Variants in PRELID2 observed in about 807,000 individuals in gnomAD.
PRELID2 encodes PRELI domain containing 2, also known as PRELI domain-containing protein 2.
PRELID2 carries 25 observed loss-of-function variants against 28.4 expected under a neutral mutation model. The observed-to-expected ratio is 0.88, with a 90% CI of 0.64 to 1.23. The LOEUF is 1.23. Among genes scored for constraint, PRELID2 ranks in the 50% most tolerant of loss-of-function variants. The pLI, the probability that PRELID2 is intolerant of heterozygous loss-of-function variation, is 0.00. For synonymous variants in PRELID2, 76 were observed against 71.6 expected (o/e 1.06, Z -0.31); for missense variants, 201 against 214.4 (o/e 0.94, Z 0.39).
intron 1 of PRELID2, among the ~76,000 whole-genome samples, chr5:145,611,090 G>A (rs1362129051): frequency 2.0e-5 from 3 of 151,550 alleles, no homozygotes; most frequent in African/African-American, 7.3e-5. Context: ...TAAAATTCTG[G>A]CAGATAATGT....
rs1312283958 is a variant in PRELID2 at position 145,592,902 on chromosome 5, C to T, written n.71-119587G>A. Among the ~76,000 whole-genome samples the T allele has an allele frequency of 3.3e-5, 5 of 152,088 alleles. 1 individual carries two copies. The highest frequency in any genetic ancestry group is 1.3e-4 in the Admixed American group (2 of 15,260). On this transcript the variant is annotated intron_variant and non_coding_transcript_variant, in intron 1 of 2. Transcript: ENST00000510259. Reference sequence around the variant, plus strand: ...GCACCAATAGTTTGACTACACCTTCCTATTGGAATATATACCTCAAGAAAA... The same window carrying T: ...GCACCAATAGTTTGACTACACCTTCTTATTGGAATATATACCTCAAGAAAA...
the PRELID2 span, among the ~76,000 whole-genome samples, chr5:145,424,020 T>TG: frequency 2.9e-4 from 44 of 151,254 alleles, no homozygotes; most frequent in African/African-American, 1.0e-3. Flanking sequence ...GTGACCCTGC[T>TG]GGGGGGTGCC....
At chr5:145,828,832 C>CTTTTT (rs67543120) in intron 1 of PRELID2, among the ~76,000 whole-genome samples, 17 of 68,264 alleles carry the variant, frequency 2.5e-4, no homozygotes, top group Non-Finnish European at 2.9e-4. Flanking sequence ...TGAAAAAAAT[C>CTTTTT]TTTTTTTTTT....
the PRELID2 span, among the ~76,000 whole-genome samples, chr5:145,346,640 A>G: frequency 6.6e-6 from 1 of 152,140 alleles, no homozygotes; most frequent in Non-Finnish European, 1.5e-5. Context: ...CTTTTCCTAG[A>G]GCCCAGCTAT....
At chr5:145,479,004 C>A (rs1375131768) in intron 1 of PRELID2, among the ~76,000 whole-genome samples, 4 of 152,172 alleles carry the variant, frequency 2.6e-5, no homozygotes, top group Admixed American at 2.6e-4. Context: ...CCTTCAGAAT[C>A]AAGAAGATTG....
chr5:145,413,914 T>C, the PRELID2 span, among the ~76,000 whole-genome samples: 1 of 152,200 alleles, frequency 6.6e-6, no homozygotes. Context: ...ATTGTGTCTA[T>C]ATAACACATC....
chr5:145,449,698 A>G, the PRELID2 span, among the ~76,000 whole-genome samples: 1 of 152,058 alleles, frequency 6.6e-6, no homozygotes, highest in African/African-American at 2.4e-5. Flanking sequence ...CTATATCAAC[A>G]TGTTACTCTA....
the PRELID2 span, among the ~76,000 whole-genome samples, chr5:145,376,181 C>A: frequency 6.6e-6 from 1 of 152,072 alleles, no homozygotes; most frequent in Non-Finnish European, 1.5e-5. Context: ...ATTCTCTTTA[C>A]GTGATGAATC....
At chr5:145,669,930 G>A (rs895453923) in intron 1 of PRELID2, among the ~76,000 whole-genome samples, 2 of 152,000 alleles carry the variant, frequency 1.3e-5, no homozygotes, top group Non-Finnish European at 2.9e-5. Context: ...ATAGCACCAC[G>A]TTCACCTGCA....
the PRELID2 span, among the ~76,000 whole-genome samples, chr5:145,321,660 T>C: frequency 6.6e-6 from 1 of 152,240 alleles, no homozygotes; most frequent in South Asian, 2.1e-4. Context: ...GTTTGGATAT[T>C]GATTTAAACT....
chr5:145,606,410 T>C (rs921961778), intron 1 of PRELID2, among the ~76,000 whole-genome samples: 3 of 152,194 alleles, frequency 2.0e-5, no homozygotes, highest in African/African-American at 4.8e-5. Flanking sequence ...GGGTTTGTCA[T>C]GGATGGCTCT....
At chr5:145,721,332 A>G (rs192743508) in intron 1 of PRELID2, among the ~76,000 whole-genome samples, 43 of 152,286 alleles carry the variant, frequency 2.8e-4, no homozygotes, top group Middle Eastern at 3.4e-3. Context: ...ACATTTTGAG[A>G]ACAGCTATTG....
At chr5:145,489,564 C>G (rs1447284884) in intron 1 of PRELID2, among the ~76,000 whole-genome samples, 1 of 152,160 alleles carries the variant, frequency 6.6e-6, no homozygotes, top group Non-Finnish European at 1.5e-5. Context: ...AAATTGTCAT[C>G]TTATATCCAG....
At chr5:145,764,865 T>C in intron 6 of PRELID2, 66 bp downstream of exon 6, 2 of 1,183,196 alleles carry the variant, frequency 1.7e-6, no homozygotes, top group South Asian at 1.2e-5. Flanking sequence ...TGCTGTAGAA[T>C]ACCAGGCTGA....
chr5:145,322,244 A>T, the PRELID2 span, among the ~76,000 whole-genome samples: 1 of 152,172 alleles, frequency 6.6e-6, no homozygotes, highest in Admixed American at 6.5e-5. Context: ...AAGAGTTTAT[A>T]TTTCATTATC....
intron 1 of PRELID2, among the ~76,000 whole-genome samples, chr5:145,521,162 C>T (rs1160350585): frequency 6.6e-6 from 1 of 152,090 alleles, no homozygotes; most frequent in Non-Finnish European, 1.5e-5. Context: ...AGAAGAATTG[C>T]CAGTTGCTGA....
chr5:145,818,106 T>A (rs1754502114), intron 3 of PRELID2, 52 bp from the exon 4 acceptor site: 1 of 1,568,918 alleles, frequency 6.4e-7, no homozygotes, highest in African/African-American at 1.4e-5. Flanking sequence ...GCAGGCAACA[T>A]AATGACTGCA....
At chr5:145,251,410 T>C in the PRELID2 span, among the ~76,000 whole-genome samples, 1 of 152,144 alleles carries the variant, frequency 6.6e-6, no homozygotes. Flanking sequence ...ATCACCAGAC[T>C]CTTGCCTTCT....
chr5:145,652,782 G>T (rs1448525465), intron 1 of PRELID2, among the ~76,000 whole-genome samples: 1 of 152,168 alleles, frequency 6.6e-6, no homozygotes. Flanking sequence ...ACCAGTACCA[G>T]CCACTGCAAA....
Sources: gnomAD v4.1 joint callset for allele counts (sites outside exome capture counted in the v4.1 genomes callset) on GRCh38, gnomAD v4.1.1 for gene constraint, MANE v1.5 for transcripts, NCBI Gene and HGNC (gene_info 2026-07-23, HGNC 2026-07-21) for gene names.